MTRF1: variants seen among roughly 807,000 people sequenced by gnomAD.
The protein encoded by MTRF1 is peptide chain release factor 1, mitochondrial.
In MTRF1, 51 loss-of-function variants were observed where a neutral mutation model predicts 62.9. That is an observed-to-expected ratio of 0.81 (90% CI 0.65 to 1.02). The LOEUF (loss-of-function observed/expected upper bound fraction) is 1.02, where lower values mean the gene tolerates loss of function less well. MTRF1 is among the 50% of genes least tolerant of loss of function. MTRF1 has a pLI of 0.00. For missense variants in MTRF1, 446 were observed against 530.0 expected (o/e 0.84, Z 1.56); for synonymous variants, 158 against 181.9 (o/e 0.87, Z 1.06).
the MTRF1 span, among the ~76,000 whole-genome samples, chr13:41,300,656 T>C: frequency 6.6e-6 from 1 of 152,154 alleles, no homozygotes; most frequent in South Asian, 2.1e-4. Flanking sequence ...GCAATCCTCC[T>C]GCCTCAGCTT....
intron 2 of MTRF1, chr13:41,257,733 G>A (rs1270999779): frequency 6.8e-6 from 3 of 440,274 alleles, no homozygotes; most frequent in Non-Finnish European, 1.4e-5. Context: ...AGGAGTTCAA[G>A]GTTAAAGTGA....
intron 5 of MTRF1, 95 bp downstream of exon 5, chr13:41,252,550 G>A: frequency 2.1e-6 from 2 of 934,040 alleles, no homozygotes; most frequent in South Asian, 3.2e-5. Context: ...TACACCAAAA[G>A]TTTCAAAAAA....
chr13:41,311,249 G>C, the MTRF1 span: 2 of 526,400 alleles, frequency 3.8e-6, no homozygotes, highest in Non-Finnish European at 6.6e-6. Context: ...TCGGGAGGCG[G>C]ACCCTGGCTG....
At chr13:41,231,823 T>C (rs1243610780) in intron 7 of MTRF1, among the ~76,000 whole-genome samples, 1 of 150,328 alleles carries the variant, frequency 6.7e-6, no homozygotes, top group African/African-American at 2.5e-5. Context: ...GGCAGATCAC[T>C]TGAGCCGAGG....
chr13:41,286,088 C>CAAAAA, the MTRF1 span, among the ~76,000 whole-genome samples: 5 of 110,050 alleles, frequency 4.5e-5, no homozygotes, highest in African/African-American at 3.7e-5. Flanking sequence ...ACAACAACAA[C>CAAAAA]AAAAAAAAAA....
At chr13:41,256,570 C>T (rs1385291669) in intron 2 of MTRF1, among the ~76,000 whole-genome samples, 5 of 152,146 alleles carry the variant, frequency 3.3e-5, no homozygotes, top group East Asian at 1.9e-4. Flanking sequence ...CTGATCCACC[C>T]GCCCCGGCCT....
intron 9 of MTRF1, among the ~76,000 whole-genome samples, chr13:41,221,454 A>T (rs951374591): frequency 2.0e-5 from 3 of 152,014 alleles, no homozygotes; most frequent in Non-Finnish European, 4.4e-5. Context: ...CACCGTGCCC[A>T]GCCAATTATT....
the MTRF1 span, among the ~76,000 whole-genome samples, chr13:41,302,805 G>A: frequency 1.3e-5 from 2 of 152,168 alleles, no homozygotes; most frequent in African/African-American, 4.8e-5. Flanking sequence ...GATTACAGGC[G>A]TGAGCCACTG....
chr13:41,232,532 T>C (rs972239746), intron 7 of MTRF1, among the ~76,000 whole-genome samples: 17 of 152,218 alleles, frequency 1.1e-4, no homozygotes, highest in African/African-American at 4.1e-4. Flanking sequence ...GGGGAAATTA[T>C]TTCCATGAAA....
chr13:41,264,870 A>G (rs1191390123), upstream of MTRF1, among the ~76,000 whole-genome samples: 3 of 152,066 alleles, frequency 2.0e-5, no homozygotes, highest in African/African-American at 7.2e-5. Flanking sequence ...AAAAGAAAAA[A>G]CCTTCAATCA....
intron 2 of MTRF1, chr13:41,257,887 G>A (rs1010922489): frequency 6.1e-6 from 2 of 325,616 alleles, no homozygotes; most frequent in Non-Finnish European, 6.6e-6. Context: ...TATTTGTAAA[G>A]CACTGAGCTT....
chr13:41,233,860 TA>T, intron 7 of MTRF1, 29 bp downstream of exon 7: 2 of 1,544,388 alleles, frequency 1.3e-6, no homozygotes, highest in Non-Finnish European at 1.8e-6. Context: ...GAAAAAGGGT[TA>T]AAAGTACAAA....
the MTRF1 span, among the ~76,000 whole-genome samples, chr13:41,292,374 G>T: frequency 6.6e-6 from 1 of 152,072 alleles, no homozygotes; most frequent in Non-Finnish European, 1.5e-5. Flanking sequence ...CATGAGGTCA[G>T]GAGATCGAGA....
the MTRF1 span, among the ~76,000 whole-genome samples, chr13:41,306,297 C>G: frequency 2.6e-5 from 4 of 151,430 alleles, no homozygotes; most frequent in African/African-American, 4.9e-5. Context: ...GACAGGAGAA[C>G]GGCGTGAACC....
chr13:41,296,042 T>C, the MTRF1 span, among the ~76,000 whole-genome samples: 1 of 152,150 alleles, frequency 6.6e-6, no homozygotes, highest in Non-Finnish European at 1.5e-5. Flanking sequence ...TTTTGAACTC[T>C]GGGGCTCAAG....
At chr13:41,307,223 C>T in the MTRF1 span, among the ~76,000 whole-genome samples, 389 of 152,180 alleles carry the variant, frequency 2.6e-3, 2 homozygotes, top group African/African-American at 9.0e-3. Context: ...AATCGTAACC[C>T]CCAGTGTTGG....
At chr13:41,242,139 T>G (rs1163366345) in intron 5 of MTRF1, among the ~76,000 whole-genome samples, 1 of 152,134 alleles carries the variant, frequency 6.6e-6, no homozygotes, top group East Asian at 1.9e-4. Flanking sequence ...TTTTTTTTTG[T>G]AATATACTGA....
the MTRF1 span, among the ~76,000 whole-genome samples, chr13:41,303,095 A>G: frequency 6.6e-6 from 1 of 151,940 alleles, no homozygotes; most frequent in Non-Finnish European, 1.5e-5. Context: ...TTATTTATTT[A>G]TTTATTTTTG....
At chr13:41,255,960 T>A (rs9594509) in intron 2 of MTRF1, among the ~76,000 whole-genome samples, 13,821 of 152,030 alleles carry the variant, frequency 0.091, 866 homozygotes, top group African/African-American at 0.17. Flanking sequence ...CCCTTAATAA[T>A]AAAGAAAATA....
Sources: allele counts gnomAD v4.1 joint callset (sites outside exome capture counted in the v4.1 genomes callset), GRCh38; gene constraint gnomAD v4.1.1; transcripts MANE v1.5; gene names NCBI Gene and HGNC (gene_info 2026-07-23, HGNC 2026-07-21).